The following DPP8 variants were observed in gnomAD, a reference collection of about 807,000 sequenced individuals.
DPP8 encodes the protein DPP VIII.
Under a neutral mutation model 107.5 loss-of-function variants are expected in DPP8, and 31 were observed. That is an observed-to-expected ratio of 0.29 (90% CI 0.22 to 0.39). The LOEUF is 0.39. DPP8 is among the 10% of genes least tolerant of loss of function. The probability of loss-of-function intolerance (pLI) is 1.00; values close to 1 mark genes in which losing one functional copy is unlikely to be tolerated. For synonymous variants in DPP8, 381 were observed against 356.6 expected (o/e 1.07, Z -0.77); for missense variants, 842 against 1,076.1 (o/e 0.78, Z 3.04).
In DPP8 at chr15:65,503,599, C is replaced by T. The variant is rs542978975; in HGVS notation, c.373-2820G>A. Among the ~76,000 whole-genome samples, 142 of 151,808 alleles carry T rather than the reference C, an allele frequency of 9.4e-4. 1 individual carries two copies. The highest frequency in any genetic ancestry group is 1.7e-3 in the East Asian group (9 of 5,164). ...GGGATTACAGGCGCTGCACCCCCAC[C>T]GCCCTACCTGACTAATTTTTATTTA... On this transcript the variant is annotated intron_variant, in intron 3 of 19. Coordinates refer to ENST00000300141, the MANE Select transcript of DPP8 (RefSeq NM_130434.5).
At chr15:65,478,753 C>T in intron 11 of DPP8, 127 bp downstream of exon 11, 1 of 634,942 alleles carries the variant, frequency 1.6e-6, no homozygotes, top group Non-Finnish European at 2.7e-6. Flanking sequence ...TTTAGTTTAA[C>T]TTACATATTA....
chr15:65,488,160 AT>A (rs1248223646), intron 6 of DPP8, among the ~76,000 whole-genome samples: 2 of 152,244 alleles, frequency 1.3e-5, no homozygotes, highest in African/African-American at 4.8e-5. Context: ...TATTAAAAAA[AT>A]AAATACTACT....
chr15:65,452,659 A>T (rs2064074034), intron 17 of DPP8, among the ~76,000 whole-genome samples: 1 of 152,130 alleles, frequency 6.6e-6, no homozygotes, highest in African/African-American at 2.4e-5. Context: ...TAAAAACCTT[A>T]TTGTTTTTGT....
rs2063477174 is a variant in DPP8 at position 65,445,767 on chromosome 15, C to T, written c.*1117G>A. On this transcript the variant is annotated 3_prime_UTR_variant, in exon 20 of 20. Coordinates refer to ENST00000300141, the MANE Select transcript of DPP8 (RefSeq NM_130434.5). ...TTTTCCTCCCCTGAATCATGTTACT[C>T]TGTAGCTGTGCTGGCAAGACAGTGA... The T allele has an allele frequency of 6.6e-6, 1 of 151,904 alleles. No homozygotes were observed. The highest frequency in any genetic ancestry group is 2.1e-4 in the South Asian group (1 of 4,824). 9.4% of individuals were successfully genotyped at this position (151,904 alleles called of 1,614,324 possible).
rs397969608 is a variant in DPP8, at chr15:65,446,616, CTT to C, written c.*266_*267del. ...TAGTATGAATACATGGTGCTAATGT[CTT>C]TTTTTTTTTTTTTTTTTTAGTAATT... is the stretch of plus-strand genomic sequence containing the variant. On this transcript the variant is annotated 3_prime_UTR_variant, in exon 20 of 20. Coordinates refer to ENST00000300141, the MANE Select transcript of DPP8 (RefSeq NM_130434.5). 83 of 119,036 alleles carry C rather than the reference CTT, an allele frequency of 7.0e-4. No homozygotes were observed. Among genetic ancestry groups the C allele is most frequent in the Non-Finnish European group, 9.2e-4 (52 of 56,356 alleles). The allele number at this position is 119,036 out of a possible 1,614,324, so 7.4% of individuals were successfully genotyped here.
chr15:65,506,661 T>A (rs1451808593), intron 3 of DPP8, among the ~76,000 whole-genome samples: 2 of 148,678 alleles, frequency 1.3e-5, no homozygotes, highest in African/African-American at 4.9e-5. Context: ...TATATAAACA[T>A]ATAAACATAT....
At chr15:65,468,957 G>A (rs2065605698) in intron 12 of DPP8, among the ~76,000 whole-genome samples, 1 of 152,094 alleles carries the variant, frequency 6.6e-6, no homozygotes, top group South Asian at 2.1e-4. Context: ...GGATGTCAGA[G>A]GTGGGCCTAA....
intron 19 of DPP8, among the ~76,000 whole-genome samples, chr15:65,449,269 A>G (rs1436059871): frequency 6.8e-6 from 1 of 147,160 alleles, no homozygotes; most frequent in Non-Finnish European, 1.5e-5. Context: ...TATATATATA[A>G]TAAAAAGTAT....
chr15:65,466,529 G>T, intron 14 of DPP8, 149 bp downstream of exon 14: 1 of 681,154 alleles, frequency 1.5e-6, no homozygotes, highest in Non-Finnish European at 2.6e-6. Flanking sequence ...AATAGGAGAA[G>T]AGGGATCTAT....
intron 1 of DPP8, 29 bp from the exon 2 acceptor site, chr15:65,512,593 C>T: frequency 5.6e-6 from 9 of 1,611,932 alleles, no homozygotes; most frequent in South Asian, 1.1e-5. Context: ...TGAAGCTGTT[C>T]ACGGGTCTAT....
At chr15:65,468,874 C>A (rs560293747) in intron 12 of DPP8, among the ~76,000 whole-genome samples, 12 of 152,268 alleles carry the variant, frequency 7.9e-5, no homozygotes, top group Admixed American at 2.6e-4. Context: ...TACTTAACAT[C>A]CAAGGAAGTA....
chr15:65,492,598 TTTTTA>T (rs926048027), intron 5 of DPP8, among the ~76,000 whole-genome samples: 1 of 152,092 alleles, frequency 6.6e-6, no homozygotes, highest in African/African-American at 2.4e-5. Context: ...TGACTTTAAT[TTTTTA>T]TTTTATTTTT....
intron 5 of DPP8, among the ~76,000 whole-genome samples, chr15:65,491,300 A>G (rs2068008506): frequency 6.6e-6 from 1 of 152,210 alleles, no homozygotes; most frequent in Non-Finnish European, 1.5e-5. Context: ...GTGCTGATAT[A>G]AACTGAAATA....
At chr15:65,448,694 T>TATATATATATAAAATGTAC (rs2063667832) in intron 19 of DPP8, among the ~76,000 whole-genome samples, 1 of 126,314 alleles carries the variant, frequency 7.9e-6, no homozygotes, top group Non-Finnish European at 1.7e-5. Flanking sequence ...AAAAAAAATA[T>TATATATATATAAAATGTAC]ATATATATAT....
At chr15:65,474,534 G>GC (rs1290098033) in intron 11 of DPP8, among the ~76,000 whole-genome samples, 1 of 152,178 alleles carries the variant, frequency 6.6e-6, no homozygotes, top group Non-Finnish European at 1.5e-5. Context: ...AGGCTGGAGT[G>GC]CAGCGGCATG....
At chr15:65,513,841 C>T (rs2071105213) in intron 1 of DPP8, among the ~76,000 whole-genome samples, 1 of 152,168 alleles carries the variant, frequency 6.6e-6, no homozygotes, top group African/African-American at 2.4e-5. Flanking sequence ...AGTGTTATCA[C>T]AAACCAGTGT....
intron 1 of DPP8, chr15:65,515,512 T>C (rs1223926633): frequency 9.2e-6 from 6 of 649,114 alleles, no homozygotes; most frequent in African/African-American, 9.1e-5. Flanking sequence ...TTCCTGATTA[T>C]ATACAAACAC....
chr15:65,446,233 A>G lies in DPP8; in HGVS notation c.*651T>C, dbSNP rs1309063352. The G allele has an allele frequency of 6.6e-6, 1 of 152,186 alleles. No individual in the cohort carries two copies. The highest frequency in any genetic ancestry group is 1.5e-5 in the Non-Finnish European group (1 of 68,034). The allele number at this position is 152,186 out of a possible 1,614,324, so 9.4% of individuals were successfully genotyped here. A position where few individuals can be genotyped will look rare whatever the true frequency, so the allele number is the denominator to read the frequency against. The stretch of plus-strand genomic sequence containing the variant: ...AAAAGCCCACTCTGTTAATATCATC[A>G]AAGAAAAATGAGAATTATTTATACT... On this transcript the variant is annotated 3_prime_UTR_variant, in exon 20 of 20. Coordinates refer to ENST00000300141, the MANE Select transcript of DPP8 (RefSeq NM_130434.5).
chr15:65,480,685 C>A (rs1484145760), intron 9 of DPP8, among the ~76,000 whole-genome samples: 1 of 152,174 alleles, frequency 6.6e-6, no homozygotes, highest in South Asian at 2.1e-4. Context: ...ATAATCCCAG[C>A]ACTTTGGGAG....
Sources: allele counts gnomAD v4.1 joint callset (sites outside exome capture counted in the v4.1 genomes callset), GRCh38; gene constraint gnomAD v4.1.1; transcripts MANE v1.5; gene names NCBI Gene and HGNC (gene_info 2026-07-23, HGNC 2026-07-21).